The following ARMH3 variants were observed in gnomAD, a reference collection of about 807,000 sequenced individuals.
The protein encoded by ARMH3 is armadillo-like helical domain-containing protein 3.
Under a neutral mutation model 99.1 loss-of-function variants are expected in ARMH3, and 60 were observed. That is an observed-to-expected ratio of 0.61 (90% CI 0.49 to 0.75). The LOEUF (loss-of-function observed/expected upper bound fraction) is 0.75, where lower values mean the gene tolerates loss of function less well. Ranked by LOEUF, ARMH3 falls within the 30% of genes least tolerant of loss-of-function variation. ARMH3 has a pLI of 0.00. For synonymous variants in ARMH3, 285 were observed against 292.8 expected, an observed-to-expected ratio of 0.97 and a Z score of 0.27; for missense variants, 679 against 843.1, an observed-to-expected ratio of 0.81 and a Z score of 2.41.
At chr10:101,992,998 C>T (rs749324681) in intron 17 of ARMH3, among the ~76,000 whole-genome samples, 4 of 151,894 alleles carry the variant, frequency 2.6e-5, no homozygotes, top group African/African-American at 9.6e-5. Context: ...AGGCCAGGCG[C>T]GGTGGCTCAC....
chr10:102,007,175 A>AAAAAAAAAAAG (rs1564842842), intron 13 of ARMH3, among the ~76,000 whole-genome samples: 1 of 149,754 alleles, frequency 6.7e-6, no homozygotes, highest in Non-Finnish European at 1.5e-5. Flanking sequence ...AAAAAAAAAA[A>AAAAAAAAAAAG]AAAGAAAAAA....
At chr10:102,052,090 T>C (rs1274363850) in intron 1 of ARMH3, among the ~76,000 whole-genome samples, 1 of 152,172 alleles carries the variant, frequency 6.6e-6, no homozygotes, top group Non-Finnish European at 1.5e-5. Context: ...GCTCCAGCCC[T>C]GAACTTATTC....
In ARMH3 at chr10:101,995,297, C is replaced by A. The variant is rs1265347264; in HGVS notation, c.1209G>T (p.Glu403Asp). The A allele has an allele frequency of 6.2e-7, 1 of 1,613,330 alleles. No individual in the cohort carries two copies. The highest frequency in any genetic ancestry group is 1.7e-5 in the Admixed American group (1 of 59,970). ...LCLIILTCIA[E>D]DQYANAFLHD... ...ATAGCAGAAGGCTCGTGAGACCTAC[C>A]TCTGCAATACATGTAAGGATAATCA... The change falls in exon 16 of 26, where the codon GAG becomes GAT. Residue 403 changes from glutamate to aspartate, a missense_variant and splice_region_variant. By Grantham distance (45) the Glu-to-Asp change is conservative. This residue lies in a region of ARMH3 where 389 missense variants were observed against 456.5 expected (regional missense o/e 0.85). Coordinates refer to ENST00000370033, the MANE Select transcript of ARMH3 (RefSeq NM_024541.3).
At chr10:101,866,086 T>TG (rs2066995335) in intron 24 of ARMH3, among the ~76,000 whole-genome samples, 1 of 151,926 alleles carries the variant, frequency 6.6e-6, no homozygotes, top group African/African-American at 2.4e-5. Context: ...CCGGGTGTGG[T>TG]GGCACTTGCC....
Position 101,877,452 on chromosome 10 carries a change from G to T in ARMH3, c.1860+11960C>A, listed in dbSNP as rs185001805. Among the ~76,000 whole-genome samples the T allele has an allele frequency of 1.1e-4, 17 of 152,244 alleles. No individual in the cohort carries two copies. The East Asian group carries it at 3.3e-3, about 29-fold the overall frequency. Reference sequence around the variant, plus strand: ...CGAGGCAGGCAGATTACGAGGTCAGGAGTTTGAGACCAGCCTGACCAACAT... The same window carrying T: ...CGAGGCAGGCAGATTACGAGGTCAGTAGTTTGAGACCAGCCTGACCAACAT... On this transcript the variant is annotated intron_variant, in intron 24 of 25. Coordinates refer to ENST00000370033, the MANE Select transcript of ARMH3 (RefSeq NM_024541.3).
chr10:101,870,619 T>C (rs2067110804), intron 24 of ARMH3, among the ~76,000 whole-genome samples: 2 of 152,208 alleles, frequency 1.3e-5, no homozygotes, highest in Admixed American at 1.3e-4. Context: ...AAGAAAACTA[T>C]AGGTCCAGAT....
chr10:101,910,793 A>G (rs1264310435), intron 23 of ARMH3, among the ~76,000 whole-genome samples: 1 of 150,924 alleles, frequency 6.6e-6, no homozygotes, highest in Non-Finnish European at 1.5e-5. Flanking sequence ...CTCACAATCC[A>G]GGTCAAGCCC....
At chr10:101,969,484 A>G (rs972428577) in intron 20 of ARMH3, among the ~76,000 whole-genome samples, 1 of 152,216 alleles carries the variant, frequency 6.6e-6, no homozygotes, top group Non-Finnish European at 1.5e-5. Context: ...AACACTTAAA[A>G]GTAAAACAAG....
intron 24 of ARMH3, among the ~76,000 whole-genome samples, chr10:101,888,027 A>G (rs1163221465): frequency 6.6e-6 from 1 of 150,794 alleles, no homozygotes; most frequent in African/African-American, 2.4e-5. Flanking sequence ...TGGGGGATGA[A>G]TACTGCACGT....
At chr10:101,946,106 C>T (rs1197092050) in intron 22 of ARMH3, among the ~76,000 whole-genome samples, 1 of 109,046 alleles carries the variant, frequency 9.2e-6, no homozygotes, top group Non-Finnish European at 1.7e-5. Context: ...AAAAAAAAGT[C>T]CAGGAGGTAA....
chr10:101,880,095 C>A (rs779766842), intron 24 of ARMH3, among the ~76,000 whole-genome samples: 2 of 152,186 alleles, frequency 1.3e-5, no homozygotes, highest in African/African-American at 2.4e-5. Flanking sequence ...TGCTCACACT[C>A]GAGAATTCGC....
intron 22 of ARMH3, among the ~76,000 whole-genome samples, chr10:101,953,655 A>G (rs1008940973): frequency 4.0e-5 from 6 of 151,870 alleles, no homozygotes; most frequent in Admixed American, 2.0e-4. Flanking sequence ...TTATTCACGC[A>G]AAGTTAAAAA....
chr10:101,864,590 G>A (rs540702616), intron 24 of ARMH3, among the ~76,000 whole-genome samples: 36 of 152,226 alleles, frequency 2.4e-4, no homozygotes, highest in African/African-American at 7.5e-4. Flanking sequence ...CATGTCCTTC[G>A]TAGGGACATG....
intron 13 of ARMH3, among the ~76,000 whole-genome samples, chr10:102,008,853 CA>C (rs1248791493): frequency 6.6e-6 from 1 of 152,164 alleles, no homozygotes; most frequent in Non-Finnish European, 1.5e-5. Flanking sequence ...GCGTGAGCCA[CA>C]GCGCAGGGCC....
chr10:101,978,768 C>T (rs1025736338), intron 19 of ARMH3, among the ~76,000 whole-genome samples: 4 of 152,048 alleles, frequency 2.6e-5, no homozygotes, highest in Admixed American at 6.6e-5. Flanking sequence ...GGTGAAACAT[C>T]GTCTCTACTA....
chr10:101,979,438 G>A (rs552408930), intron 19 of ARMH3, among the ~76,000 whole-genome samples: 2 of 152,228 alleles, frequency 1.3e-5, no homozygotes, highest in African/African-American at 4.8e-5. Flanking sequence ...GAGACAAAAA[G>A]TAGATTTTTT....
chr10:102,039,700 G>C (rs2067362071), intron 2 of ARMH3, among the ~76,000 whole-genome samples: 1 of 152,156 alleles, frequency 6.6e-6, no homozygotes, highest in South Asian at 2.1e-4. Context: ...CTAAGTTAGA[G>C]CATAAGGAGA....
intron 22 of ARMH3, among the ~76,000 whole-genome samples, chr10:101,954,311 G>C (rs1022093792): frequency 1.8e-4 from 28 of 152,166 alleles, no homozygotes; most frequent in Admixed American, 1.5e-3. Flanking sequence ...CCTGATAAAT[G>C]GATAAACTAA....
chr10:102,052,242 G>A (rs12572110), intron 1 of ARMH3, among the ~76,000 whole-genome samples: 31,810 of 151,496 alleles, frequency 0.21, 3,701 homozygotes, highest in East Asian at 0.52. Context: ...CCGCCCCACC[G>A]AAAGACAGTC....
Sources: allele counts gnomAD v4.1 joint callset (sites outside exome capture counted in the v4.1 genomes callset), GRCh38; gene constraint gnomAD v4.1.1; regional missense constraint gnomAD v4.1.1; transcripts MANE v1.5; gene names NCBI Gene and HGNC (gene_info 2026-07-23, HGNC 2026-07-21).